XIST: variants seen among roughly 807,000 people sequenced by gnomAD.
XIST encodes X inactive specific transcript.
intron 3 of XIST, chrX:73,831,426 T>C: frequency 5.5e-6 from 2 of 365,572 alleles, no homozygotes; most frequent in East Asian, 4.0e-5. Context: ...AGCTGTTATA[T>C]TCTGGCTACC....
chrX:73,821,727 C>T, exon 6 of XIST: 1 of 529,212 alleles, frequency 1.9e-6, no homozygotes, highest in East Asian at 3.4e-5. Context: ...AAGGTCAAAG[C>T]CCAGCCAGGC....
At chrX:73,827,621 G>C (rs768643046) in exon 6 of XIST, 7 of 548,134 alleles carry the variant, frequency 1.3e-5, no homozygotes, top group Non-Finnish European at 2.3e-5. Context: ...TAAAACGAAC[G>C]AGAAGGGGAA....
At chrX:73,842,470 A>G (rs1314488575) in exon 1 of XIST, 1 of 549,650 alleles carries the variant, frequency 1.8e-6, no homozygotes, top group East Asian at 3.3e-5. Context: ...AGAATCTGAC[A>G]ATAATTGAAA....
chrX:73,827,059 G>T, exon 6 of XIST: 1 of 558,326 alleles, frequency 1.8e-6, no homozygotes, highest in Admixed American at 2.2e-5. Context: ...TAGTCCTCGG[G>T]TCTCAAGTCT....
intron 3 of XIST, among the ~76,000 whole-genome samples, chrX:73,831,985 A>G (rs183364982): frequency 1.2e-4 from 13 of 112,235 alleles, no homozygotes; most frequent in African/African-American, 4.2e-4. Flanking sequence ...GCGCCACCAA[A>G]GTTCTAGGAT....
At position 73,822,895 on chromosome X, in the gene XIST, C is replaced by G. The variant is rs752928117; in HGVS notation, n.17006G>C. ...ACAGCTACTCAATGAAGTTTCTTCT[C>G]AACTAAAGAAACACAGTCTCTTAGA... On this transcript the variant is annotated non_coding_transcript_exon_variant, in exon 6 of 6. Transcript: ENST00000429829. 3 of 558,076 alleles carry G rather than the reference C, an allele frequency of 5.4e-6. No individual in the cohort carries two copies. The East Asian group carries it at 9.7e-5, about 18-fold the overall frequency. The allele number at this position is 558,076 out of a possible 1,213,427, so 46.0% of individuals were successfully genotyped here.
At chrX:73,841,144 A>G (rs1277566910) in intron 1 of XIST, 1 of 294,622 alleles carries the variant, frequency 3.4e-6, no homozygotes, top group African/African-American at 2.7e-5. Flanking sequence ...TTATCAGTGT[A>G]ACCTAGCATA....
exon 6 of XIST, chrX:73,826,298 G>T (rs781588121): frequency 3.6e-6 from 2 of 558,711 alleles, no homozygotes; most frequent in Non-Finnish European, 6.5e-6. Flanking sequence ...GGGCTTCTGG[G>T]GTCAAAAGAA....
exon 2 of XIST, chrX:73,837,460 A>G: frequency 2.0e-6 from 1 of 504,472 alleles, no homozygotes; most frequent in Non-Finnish European, 3.5e-6. Flanking sequence ...CTAAGGAGAC[A>G]TGACTACTAA....
chrX:73,831,962 C>T (rs1158006909), intron 3 of XIST, among the ~76,000 whole-genome samples: 1 of 112,096 alleles, frequency 8.9e-6, no homozygotes, highest in African/African-American at 3.2e-5. Context: ...TCTTCAACAA[C>T]CTGTATAATA....
At position 73,837,457 on chromosome X, in the gene XIST, G is replaced by C. The variant is rs948938486; in HGVS notation, n.11389C>G. On this transcript the variant is annotated non_coding_transcript_exon_variant, in exon 2 of 6. Coordinates refer to ENST00000429829, the Ensembl canonical transcript of XIST. Reference sequence around the variant, plus strand: ...GTCATTACCAAGAGGAGCCTAAGGAGACATGACTACTAAGGACACATGCAG... The same window carrying C: ...GTCATTACCAAGAGGAGCCTAAGGACACATGACTACTAAGGACACATGCAG... 6.0e-6 allele frequency: 3 copies of C among 500,606 alleles called. No homozygotes were observed. In the African/African-American group the frequency reaches 7.0e-5, roughly 12 times the overall value. The allele number at this position is 500,606 out of a possible 1,213,427, so 41.3% of individuals were successfully genotyped here.
chrX:73,846,307 T>A, exon 1 of XIST: 1 of 557,787 alleles, frequency 1.8e-6, no homozygotes, highest in Non-Finnish European at 3.2e-6. Context: ...TGCATGGTTG[T>A]GTTCACTTAA....
At chrX:73,851,727 C>A in exon 1 of XIST, 1 of 559,074 alleles carries the variant, frequency 1.8e-6, no homozygotes, top group East Asian at 3.2e-5. Flanking sequence ...CACATGACTT[C>A]CTCTGCCTGA....
exon 6 of XIST, chrX:73,827,380 A>G (rs1395458085): frequency 1.3e-5 from 7 of 558,344 alleles, no homozygotes; most frequent in Non-Finnish European, 2.3e-5. Flanking sequence ...ATTCATGAAG[A>G]GGCTGAAATA....
exon 6 of XIST, chrX:73,824,655 G>C (rs1191906507): frequency 5.4e-6 from 3 of 556,443 alleles, no homozygotes; most frequent in Non-Finnish European, 9.7e-6. Context: ...CATACAGAAA[G>C]CATCAAATTT....
exon 1 of XIST, chrX:73,848,071 G>C (rs756018637): frequency 3.6e-6 from 2 of 558,953 alleles, no homozygotes; most frequent in South Asian, 2.2e-5. Context: ...AGGGACAAAT[G>C]CAAGTAGCAC....
At chrX:73,848,753 T>G (rs1195342507) in exon 1 of XIST, 6 of 558,365 alleles carry the variant, frequency 1.1e-5, no homozygotes, top group Non-Finnish European at 1.9e-5. Context: ...ATATCAACTG[T>G]TTAAGAGAAG....
chrX:73,822,191 G>A (rs933538805), exon 6 of XIST: 1 of 556,926 alleles, frequency 1.8e-6, no homozygotes, highest in Non-Finnish European at 3.2e-6. Context: ...CCCAGCAGTG[G>A]TCAGTCATTT....
chrX:73,842,025 G>A (rs189720509), exon 1 of XIST: 6 of 547,434 alleles, frequency 1.1e-5, no homozygotes, highest in African/African-American at 4.5e-5. Context: ...AATAGCAAGA[G>A]TCAGTGTTCT....
Sources: allele counts gnomAD v4.1 joint callset (sites outside exome capture counted in the v4.1 genomes callset), GRCh38; gene constraint gnomAD v4.1.1; transcripts MANE v1.5; gene names NCBI Gene and HGNC (gene_info 2026-07-23, HGNC 2026-07-21).